SALL2: variants seen among roughly 807,000 people sequenced by gnomAD.
SALL2 encodes spalt like transcription factor 2.
A neutral mutation model predicts 58.5 loss-of-function variants in SALL2; 32 were observed. The observed-to-expected ratio is 0.55, with a 90% CI of 0.41 to 0.74. The LOEUF (loss-of-function observed/expected upper bound fraction) is 0.74. Among genes scored for constraint, SALL2 ranks in the 30% least tolerant of loss-of-function variants. SALL2 has a pLI of 0.00. For synonymous variants in SALL2, 516 were observed against 513.6 expected, an observed-to-expected ratio of 1.00 and a Z score of -0.06; for missense variants, 1,201 against 1,268.9, an observed-to-expected ratio of 0.95 and a Z score of 0.81.
At chr14:21,528,099 T>A (rs1466709645), upstream of SALL2, among the ~76,000 whole-genome samples, 1 of 151,240 alleles carries the variant, frequency 6.6e-6, no homozygotes, top group Non-Finnish European at 1.5e-5. Context: ...GATCGTGGCA[T>A]TGCACTCCAG....
chr14:21,533,089 TTA>T (rs1491414644), intron 1 of SALL2, among the ~76,000 whole-genome samples: 1 of 152,120 alleles, frequency 6.6e-6, no homozygotes, highest in African/African-American at 2.4e-5. Flanking sequence ...GCCATGGGTG[TTA>T]GTTATTATTT....
chr14:21,525,043 T>C lies in SALL2; in HGVS notation c.679A>G (p.Thr227Ala), dbSNP rs760975366. 1.2e-6 allele frequency: 2 copies of C among 1,613,956 alleles called. No homozygotes were observed. Residue 227 changes from threonine (T) to alanine (A), a missense_variant, in exon 2 of 2, where the codon ACA (threonine) becomes GCA (alanine). Thr to Ala is a moderately conservative substitution (Grantham distance 58). Transcript: ENST00000537235. The surrounding 1 kb of genome is among the most constrained non-coding windows in gnomAD (Gnocchi z 4.4). Reference protein sequence around the residue: ...APASPSELPGTGTASSTKPLL... With the variant: ...APASPSELPGAGTASSTKPLL... Reference sequence around the variant, plus strand: ...GGCTTGGTGGAAGAGGCAGTCCCTGTCCCAGGTAGCTCTGAGGGACTGGCA... The same window carrying C: ...GGCTTGGTGGAAGAGGCAGTCCCTGCCCCAGGTAGCTCTGAGGGACTGGCA...
In SALL2 at chr14:21,521,279, AACTCATT is replaced by A. The variant is rs1328681666; in HGVS notation, c.*1418_*1424del. The A allele has an allele frequency of 6.6e-6, 1 of 152,236 alleles. No homozygotes were observed. Among genetic ancestry groups the A allele is most frequent in the African/African-American group, 2.4e-5 (1 of 41,432 alleles). 9.4% of individuals were successfully genotyped at this position (152,236 alleles called of 1,614,324 possible). Reference sequence around the variant, plus strand: ...ATCCTATGTTAAGAGTAAATACTACAACTCATTACAAGACGGAGAGGCAGGGAGGACG... The same window carrying A: ...ATCCTATGTTAAGAGTAAATACTACAACAAGACGGAGAGGCAGGGAGGACG... On this transcript the variant is annotated 3_prime_UTR_variant, in exon 2 of 2. Coordinates refer to ENST00000537235, the MANE Select transcript of SALL2 (RefSeq NM_001364564.1).
chr14:21,535,367 A>AAAAAG (rs141987411), intron 1 of SALL2, among the ~76,000 whole-genome samples: 3 of 150,922 alleles, frequency 2.0e-5, no homozygotes, highest in South Asian at 4.2e-4. Context: ...AGAAAAAAAG[A>AAAAAG]AAAAGAAAAG....
intron 1 of SALL2, among the ~76,000 whole-genome samples, chr14:21,535,022 T>C (rs2139685521): frequency 6.6e-6 from 1 of 152,130 alleles, no homozygotes; most frequent in Middle Eastern, 3.4e-3. Context: ...CAATACACTC[T>C]CTTAGAGCTT....
In SALL2 at chr14:21,525,190, G is replaced by T. The variant is rs752113723; in HGVS notation, c.532C>A (p.Pro178Thr). ...ACCCGTAGCTCTTCCAAGATCAGGG[G>T]GATATTCAAGTGGCCACTGCCTACC... ...PGVGSGHLNIPLILEELRVLQ... is the reference protein window; with the variant it reads ...PGVGSGHLNITLILEELRVLQ... The change falls in exon 2 of 2, where the codon CCC becomes ACC. Residue 178 changes from proline (P) to threonine (T), a missense_variant. This residue lies in a region of SALL2 where 467 missense variants were observed against 468.9 expected (regional missense o/e 1.00). Transcript: ENST00000537235. This position sits in a 1 kb window ranked among gnomAD's most constrained non-coding sequence, Gnocchi z 4.4. 7.8e-5 allele frequency: 126 copies of T among 1,613,860 alleles called. No individual in the cohort carries two copies. Among genetic ancestry groups the T allele is most frequent in the Non-Finnish European group, 9.6e-5 (113 of 1,179,964 alleles).
At chr14:21,533,571 T>C (rs894256549) in intron 1 of SALL2, among the ~76,000 whole-genome samples, 6 of 150,922 alleles carry the variant, frequency 4.0e-5, no homozygotes, top group Admixed American at 1.3e-4. Context: ...CTAATCCAGA[T>C]TTCTAGACTC....
At position 21,525,492 on chromosome 14, in the gene SALL2, G is replaced by A. The variant is rs755774785; in HGVS notation, c.230C>T (p.Ser77Phe). 2 of 1,614,012 alleles carry A rather than the reference G, an allele frequency of 1.2e-6. No individual in the cohort carries two copies. Among genetic ancestry groups the A allele is most frequent in the South Asian group, 1.1e-5 (1 of 91,066 alleles). Residue 77 changes from serine to phenylalanine, a missense_variant, in exon 2 of 2, where the codon TCT (serine) becomes TTT (phenylalanine). Coordinates refer to ENST00000537235, the MANE Select transcript of SALL2 (RefSeq NM_001364564.1). The surrounding 1 kb of genome is among the most constrained non-coding windows in gnomAD (Gnocchi z 4.4). ...ATTGTGACCCTCAGGCCGGGGTTCA[G>A]AGGAGGCCGAAGAGTTGTTGGGGTT... ...QENPNNSSAS[S>F]EPRPEGHNNP...
At position 21,532,059 on chromosome 14, in the gene SALL2, C is replaced by T. The variant is rs182136649; in HGVS notation, c.-114+4903G>A. Among the ~76,000 whole-genome samples the T allele has an allele frequency of 6.6e-4, 101 of 152,090 alleles. 2 individuals carry two copies. The South Asian group carries it at 0.011, about 16-fold the overall frequency. ...TCTCTTCTTTAAAATGAGGGTACTG[C>T]CATACAAAGGAAGGAAATTCTGATA... On this transcript the variant is annotated intron_variant, in intron 1 of 1. Coordinates refer to the SALL2 transcript ENST00000541965.
upstream of SALL2, among the ~76,000 whole-genome samples, chr14:21,527,309 C>T (rs1219241100): frequency 6.6e-6 from 1 of 152,214 alleles, no homozygotes; most frequent in East Asian, 1.9e-4. Context: ...ATAGCTAACA[C>T]CTGCTCACCA....
Position 21,525,644 on chromosome 14 carries a change from G to T in SALL2, c.78C>A (p.Ser26Arg). The change falls in exon 2 of 2, where the codon AGC becomes AGA. Residue 26 changes from serine (S) to arginine (R), a missense_variant. Transcript: ENST00000537235. The surrounding 1 kb of genome is among the most constrained non-coding windows in gnomAD (Gnocchi z 4.4). ...GEPAELGGDA[S>R]EEDHPQVCAK... ...CACAGACTTGGGGGTGATCCTCCTC[G>T]CTAGCATCACCTGGGGAGAAGACAA... The T allele has an allele frequency of 5.7e-6, 9 of 1,573,906 alleles. No homozygotes were observed. The highest frequency in any genetic ancestry group is 7.8e-6 in the Non-Finnish European group (9 of 1,156,976).
At chr14:21,529,945 G>C (rs140779172), upstream of SALL2, among the ~76,000 whole-genome samples, 25 of 152,318 alleles carry the variant, frequency 1.6e-4, no homozygotes, top group African/African-American at 5.8e-4. Flanking sequence ...ACAATGATGA[G>C]ACCCACATGG....
At chr14:21,533,380 T>C (rs11157020) in intron 1 of SALL2, among the ~76,000 whole-genome samples, 65,077 of 151,976 alleles carry the variant, frequency 0.43, 14,189 homozygotes, top group Middle Eastern at 0.52. Context: ...CCTTCTTTCC[T>C]CTCTTGCTGT....
rs1892142959 is a variant in SALL2, at chr14:21,523,578, T to C, written c.2144A>G (p.Gln715Arg). ...QQHVRMHLGG[Q>R]IPNGGTALPE... ...GAGTGCAGTACCACCGTTGGGGATCTGGCCCCCCAGGTGCATCCGGACATG... is the reference window on the plus strand; with the variant it reads ...GAGTGCAGTACCACCGTTGGGGATCCGGCCCCCCAGGTGCATCCGGACATG... The change falls in exon 2 of 2, where the codon CAG becomes CGG. Residue 715 changes from glutamine to arginine, a missense_variant. Coordinates refer to ENST00000537235, the MANE Select transcript of SALL2 (RefSeq NM_001364564.1). This position sits in a 1 kb window ranked among gnomAD's most constrained non-coding sequence, Gnocchi z 4.4. 1 of 1,614,102 alleles carries C rather than the reference T, an allele frequency of 6.2e-7. No individual in the cohort carries two copies. The highest frequency in any genetic ancestry group is 1.1e-5 in the South Asian group (1 of 91,096).
In SALL2 at chr14:21,523,926, C is replaced by G; in HGVS notation, c.1796G>C (p.Arg599Pro). 6.2e-7 allele frequency: 1 copy of G among 1,614,196 alleles called. No homozygotes were observed. Among genetic ancestry groups the G allele is most frequent in the Non-Finnish European group, 8.5e-7 (1 of 1,180,040 alleles). The change falls in exon 2 of 2, where the codon CGG (arginine) becomes CCG (proline). Residue 599 changes from arginine (R) to proline (P), a missense_variant. By Grantham distance (103) the Arg-to-Pro change is moderately radical. Coordinates refer to ENST00000537235, the MANE Select transcript of SALL2 (RefSeq NM_001364564.1). This position sits in a 1 kb window ranked among gnomAD's most constrained non-coding sequence, Gnocchi z 4.4. ...TGAGGTCACCGCCACAGCTCCTTGC[C>G]GGTCAATCTTTTCTACCAGTTGCTG... is the stretch of plus-strand genomic sequence containing the variant. ...KLQQLVEKID[R>P]QGAVAVTSAA...
chr14:21,532,221 T>C (rs1892483794), intron 1 of SALL2, among the ~76,000 whole-genome samples: 1 of 152,166 alleles, frequency 6.6e-6, no homozygotes, highest in African/African-American at 2.4e-5. Context: ...TCCATTAGTA[T>C]GAGGTACCCA....
At position 21,523,068 on chromosome 14, in the gene SALL2, C is replaced by T. The variant is rs760134765; in HGVS notation, c.2654G>A (p.Ser885Asn). ...SALTPEGEAT[S>N]VTLVEELSLQ... The stretch of plus-strand genomic sequence containing the variant: ...GCTCAGCTCCTCTACCAAGGTCACG[C>T]TGGTGGCTTCCCCTTCTGGGGTGAG... The change falls in exon 2 of 2, where the codon AGC becomes AAC. Residue 885 changes from serine (S) to asparagine (N), a missense_variant. By Grantham distance (46) the Ser-to-Asn change is conservative. This residue lies in a region of SALL2 where 675 missense variants were observed against 683.8 expected (regional missense o/e 0.99). Transcript: ENST00000537235. This position sits in a 1 kb window ranked among gnomAD's most constrained non-coding sequence, Gnocchi z 4.4. 6.2e-7 allele frequency: 1 copy of T among 1,614,176 alleles called. No individual in the cohort carries two copies. The highest frequency in any genetic ancestry group is 1.1e-5 in the South Asian group (1 of 91,088).
chr14:21,532,657 T>C (rs577205309), intron 1 of SALL2, among the ~76,000 whole-genome samples: 24 of 151,756 alleles, frequency 1.6e-4, no homozygotes, highest in African/African-American at 5.6e-4. Flanking sequence ...GAAAAAAATT[T>C]TTTTTGTAAT....
Position 21,523,382 on chromosome 14 carries a change from G to A in SALL2, c.2340C>T (p.Ser780=). 11 of 1,613,582 alleles carry A rather than the reference G, an allele frequency of 6.8e-6. No homozygotes were observed. Among genetic ancestry groups the A allele is most frequent in the Non-Finnish European group, 9.3e-6 (11 of 1,180,020 alleles). Residue 780 remains serine, a synonymous_variant, in exon 2 of 2, where the codon TCC becomes TCT. Transcript: ENST00000537235. The surrounding 1 kb of genome is among the most constrained non-coding windows in gnomAD (Gnocchi z 4.4). ...EEEEDVTDED[S]LAGRGSESGG... ...CACTCTCTGAGCCTCTCCCTGCCAG[G>A]GAATCTTCATCAGTCACATCTTCCT...
Sources: allele counts gnomAD v4.1 joint callset (sites outside exome capture counted in the v4.1 genomes callset), GRCh38; gene constraint gnomAD v4.1.1; regional missense constraint gnomAD v4.1.1; non-coding constraint Gnocchi (gnomAD v3.1); transcripts MANE v1.5; gene names NCBI Gene and HGNC (gene_info 2026-07-23, HGNC 2026-07-21).